YLPM1: variants seen among roughly 807,000 people sequenced by gnomAD.
YLPM1 encodes the protein YLP motif-containing protein 1.
Under a neutral mutation model 230.0 loss-of-function variants are expected in YLPM1, and 99 were observed. The ratio of observed to expected loss-of-function variants is 0.43; its 90% CI spans 0.37 to 0.51. YLPM1 has a LOEUF of 0.51. Among genes scored for constraint, YLPM1 ranks in the 20% least tolerant of loss-of-function variants. The probability of loss-of-function intolerance (pLI) is 0.00; values close to 1 mark genes in which losing one functional copy is unlikely to be tolerated. For missense variants in YLPM1, 2,592 were observed against 2,707.7 expected (o/e 0.96, Z 0.95); for synonymous variants, 984 against 942.5 (o/e 1.04, Z -0.81).
At position 74,835,856 on chromosome 14, in the gene YLPM1, G is replaced by A. The variant is rs1230683720; in HGVS notation, c.*118G>A. The A allele has an allele frequency of 2.2e-6, 1 of 456,350 alleles. No homozygotes were observed. The highest frequency in any genetic ancestry group is 4.4e-6 in the Non-Finnish European group (1 of 226,798). 28.3% of individuals were successfully genotyped at this position (456,350 alleles called of 1,614,324 possible). On this transcript the variant is annotated 3_prime_UTR_variant, in exon 21 of 21. Coordinates refer to ENST00000325680, the MANE Select transcript of YLPM1 (RefSeq NM_019589.3). ...ACCTTGCTTCCACGTTTCAGTTCTT[G>A]TTTTGTTTCTACTGCTTTAGTTTTT...
intron 11 of YLPM1, 132 bp downstream of exon 11, chr14:74,812,914 T>C (rs2140128924): frequency 2.6e-6 from 3 of 1,174,488 alleles, no homozygotes; most frequent in South Asian, 3.6e-5. Context: ...TTACTATCTC[T>C]AAATCACCAT....
intron 8 of YLPM1, 77 bp from the exon 9 acceptor site, chr14:74,810,148 C>T: frequency 3.9e-6 from 6 of 1,532,416 alleles, no homozygotes; most frequent in Non-Finnish European, 4.4e-6. Flanking sequence ...TATACCAGCT[C>T]TGAAGTTAGA....
chr14:74,798,682 G>T lies in YLPM1; in HGVS notation c.3385G>T (p.Gly1129Trp), dbSNP rs1439182182. ...GGAGAGGGGACCTCTTCGAAGGGCT[G>T]GGAGTAGAGAGAGAATACCACCCCG... ...SQERGPLRRA[G>W]SRERIPPRRA... The change falls in exon 5 of 21, where the codon GGG becomes TGG. Residue 1129 changes from glycine (G) to tryptophan (W), a missense_variant. Physicochemically the swap from Gly to Trp is radical, Grantham distance 184. Transcript: ENST00000325680. 1.9e-6 allele frequency: 3 copies of T among 1,611,972 alleles called. No individual in the cohort carries two copies. Among genetic ancestry groups the T allele is most frequent in the Non-Finnish European group, 2.5e-6 (3 of 1,178,820 alleles).
At chr14:74,772,359 ATT>A (rs750529331) in intron 1 of YLPM1, among the ~76,000 whole-genome samples, 11 of 138,928 alleles carry the variant, frequency 7.9e-5, no homozygotes, top group Admixed American at 1.4e-4. Flanking sequence ...TATATTCTTA[ATT>A]TTTTTTTTTT....
At position 74,797,967 on chromosome 14, in the gene YLPM1, A is replaced by C. The variant is rs778558775; in HGVS notation, c.2670A>C (p.Val890=). 5.6e-6 allele frequency: 9 copies of C among 1,613,914 alleles called. 1 individual carries two copies. In the Admixed American group the frequency reaches 1.5e-4, roughly 27 times the overall value. ...CTGCATTTTCCATTGCTGCAGATGT[A>C]AAGGATGTCAAGGCGGCTCAGTCAA... The part of the protein sequence containing the change: ...QSAAFSIAAD[V]KDVKAAQSNE... The change falls in exon 5 of 21, where the codon GTA becomes GTC. Residue 890 remains valine, a synonymous_variant. Coordinates refer to ENST00000325680, the MANE Select transcript of YLPM1 (RefSeq NM_019589.3).
In YLPM1 at chr14:74,816,220, A is replaced by G; in HGVS notation, c.5520A>G (p.Arg1840=). 6.2e-7 allele frequency: 1 copy of G among 1,608,164 alleles called. No individual in the cohort carries two copies. Among genetic ancestry groups the G allele is most frequent in the Non-Finnish European group, 8.5e-7 (1 of 1,178,004 alleles). ...SRPERIVVIM[R]GLPGSGKTHV... is the part of the protein sequence containing the mutation. Reference sequence around the variant, plus strand: ...TGTTTCAGATTGTTGTTATAATGAGAGGATTACCTGGCAGTGGAAAGACAC... The same window carrying G: ...TGTTTCAGATTGTTGTTATAATGAGGGGATTACCTGGCAGTGGAAAGACAC... The change falls in exon 12 of 21, where the codon AGA becomes AGG. Residue 1840 remains arginine (R), a synonymous_variant. Coordinates refer to ENST00000325680, the MANE Select transcript of YLPM1 (RefSeq NM_019589.3).
chr14:74,805,872 T>A (rs1379770140), intron 6 of YLPM1, among the ~76,000 whole-genome samples: 3 of 150,732 alleles, frequency 2.0e-5, no homozygotes, highest in African/African-American at 7.3e-5. Context: ...CTGGCTCATT[T>A]TTTTTGTATT....
intron 2 of YLPM1, among the ~76,000 whole-genome samples, chr14:74,779,024 T>C (rs759854403): frequency 7.2e-5 from 11 of 152,038 alleles, no homozygotes; most frequent in Non-Finnish European, 1.3e-4. Context: ...TATTTTTTAG[T>C]AGAGATGGGG....
chr14:74,827,032 C>T (rs2091568498), intron 18 of YLPM1, among the ~76,000 whole-genome samples: 4 of 152,150 alleles, frequency 2.6e-5, no homozygotes, highest in Admixed American at 1.3e-4. Flanking sequence ...AGATTCATCT[C>T]TTCAGAGTTG....
chr14:74,767,406 GT>G (rs2090923031), intron 1 of YLPM1, among the ~76,000 whole-genome samples: 1 of 152,186 alleles, frequency 6.6e-6, no homozygotes, highest in Non-Finnish European at 1.5e-5. Flanking sequence ...TTTTTGGTGT[GT>G]TCAAGTCAGA....
chr14:74,819,578 A>T, intron 16 of YLPM1, among the ~76,000 whole-genome samples: 1 of 151,930 alleles, frequency 6.6e-6, no homozygotes, highest in East Asian at 1.9e-4. Context: ...CCCAACCGTC[A>T]TTGTTCTTTT....
chr14:74,763,350 C>G lies in YLPM1; in HGVS notation c.-140C>G. On this transcript the variant is annotated 5_prime_UTR_variant, in exon 1 of 21. Transcript: ENST00000325680. ...CGCGGGCCCAGCTCGGGAGCGCCGGCGCACTGGCGCGCTCCGTTTACACGC... is the reference window on the plus strand; with the variant it reads ...CGCGGGCCCAGCTCGGGAGCGCCGGGGCACTGGCGCGCTCCGTTTACACGC... The G allele has an allele frequency of 9.4e-7, 1 of 1,065,932 alleles. No homozygotes were observed. The highest frequency in any genetic ancestry group is 1.2e-6 in the Non-Finnish European group (1 of 813,294). 66.0% of individuals were successfully genotyped at this position (1,065,932 alleles called of 1,614,324 possible).
intron 5 of YLPM1, among the ~76,000 whole-genome samples, chr14:74,801,163 TC>T (rs2091320872): frequency 2.0e-5 from 3 of 152,214 alleles, no homozygotes; most frequent in Non-Finnish European, 4.4e-5. Flanking sequence ...TGCTGCTTCA[TC>T]CTTTTTTAAA....
chr14:74,816,091 G>T, intron 11 of YLPM1, 112 bp from the exon 12 acceptor site: 1 of 850,216 alleles, frequency 1.2e-6, no homozygotes, highest in Non-Finnish European at 1.8e-6. Flanking sequence ...TTTGTTTCAT[G>T]GCCTGTTGTA....
intron 19 of YLPM1, among the ~76,000 whole-genome samples, chr14:74,832,299 T>C (rs1460210186): frequency 6.6e-6 from 1 of 152,202 alleles, no homozygotes; most frequent in Non-Finnish European, 1.5e-5. Flanking sequence ...TTCCATATGT[T>C]GAATGTCTTT....
At position 74,763,581 on chromosome 14, in the gene YLPM1, C is replaced by A. The variant is rs2090871475; in HGVS notation, c.92C>A (p.Ser31Ter). 1.3e-6 allele frequency: 2 copies of A among 1,585,806 alleles called. No individual in the cohort carries two copies. Among genetic ancestry groups the A allele is most frequent in the African/African-American group, 1.4e-5 (1 of 72,508 alleles). Residue 31 changes from serine (S) to a stop codon, truncating the protein, a stop_gained, in exon 1 of 21, where the codon TCG becomes TAG. Coordinates refer to ENST00000325680, the MANE Select transcript of YLPM1 (RefSeq NM_019589.3). LOFTEE classifies it high-confidence loss of function. The stretch of plus-strand genomic sequence containing the variant: ...CCGCCAGTGGCGCTTCCTGAGGCCT[C>A]GCCGGGGCCCGGGTACTCGAGCTCG... Reference protein sequence around the residue: ...PPPPVALPEASPGPGYSSSTT... With the variant: ...PPPPVALPEA
intron 1 of YLPM1, among the ~76,000 whole-genome samples, chr14:74,770,605 A>G (rs2090969319): frequency 6.6e-6 from 1 of 151,522 alleles, no homozygotes; most frequent in South Asian, 2.1e-4. Flanking sequence ...AGCCTGGGCG[A>G]CAGAGTGGGA....
intron 4 of YLPM1, among the ~76,000 whole-genome samples, chr14:74,792,252 G>C (rs540725021): frequency 6.6e-6 from 1 of 151,948 alleles, no homozygotes; most frequent in Non-Finnish European, 1.5e-5. Flanking sequence ...TCACTACTTC[G>C]CATAGACCAT....
intron 5 of YLPM1, among the ~76,000 whole-genome samples, chr14:74,800,764 C>T (rs1377521124): frequency 6.6e-6 from 1 of 152,186 alleles, no homozygotes; most frequent in Admixed American, 6.5e-5. Context: ...ATGTGGAAAG[C>T]ATGCTATAGA....
Sources: allele counts gnomAD v4.1 joint callset (sites outside exome capture counted in the v4.1 genomes callset), GRCh38; gene constraint gnomAD v4.1.1; transcripts MANE v1.5; gene names NCBI Gene and HGNC (gene_info 2026-07-23, HGNC 2026-07-21).